The following FMNL2 variants were observed in gnomAD, a reference collection of about 807,000 sequenced individuals.
FMNL2 encodes formin like 2, also known as formin-like protein 2.
Under a neutral mutation model 130.2 loss-of-function variants are expected in FMNL2, and 51 were observed. The observed-to-expected ratio is 0.39, with a 90% CI of 0.31 to 0.49. The LOEUF (loss-of-function observed/expected upper bound fraction) is 0.49, where lower values mean the gene tolerates loss of function less well. Ranked by LOEUF, FMNL2 falls within the 20% of genes least tolerant of loss-of-function variation. The pLI is 0.85. For missense variants in FMNL2, 977 were observed against 1,316.2 expected, an observed-to-expected ratio of 0.74 and a Z score of 3.99; for synonymous variants, 465 against 467.1, an observed-to-expected ratio of 1.00 and a Z score of 0.06.
At chr2:152,637,898 C>T (rs536522948) in intron 23 of FMNL2, among the ~76,000 whole-genome samples, 37 of 152,336 alleles carry the variant, frequency 2.4e-4, no homozygotes, top group Non-Finnish European at 3.5e-4. Context: ...AAGCTCTTGG[C>T]AGCCCCCTTG....
chr2:152,606,950 T>G (rs1355385308), intron 9 of FMNL2, among the ~76,000 whole-genome samples: 2 of 151,790 alleles, frequency 1.3e-5, no homozygotes, highest in Non-Finnish European at 2.9e-5. Context: ...ACTCATATCT[T>G]TTTGCATGTC....
chr2:152,605,343 A>G (rs1419980279), intron 9 of FMNL2, among the ~76,000 whole-genome samples: 1 of 151,732 alleles, frequency 6.6e-6, no homozygotes, highest in East Asian at 1.9e-4. Context: ...TATTTTTGAG[A>G]CAGGGTCTTG....
chr2:152,489,206 G>A (rs1316960424), intron 1 of FMNL2, among the ~76,000 whole-genome samples: 1 of 150,924 alleles, frequency 6.6e-6, no homozygotes, highest in Non-Finnish European at 1.5e-5. Context: ...ATTGAGGTTA[G>A]CAGAAAGGGT....
At position 152,617,103 on chromosome 2, in the gene FMNL2, C is replaced by T; in HGVS notation, c.1225C>T (p.Leu409=). Residue 409 remains leucine (L), a synonymous_variant, in exon 13 of 26, where the codon CTG becomes TTG. Transcript: ENST00000288670. ...CAAAATTTTACAGTTATCTGAAAAACTGCAAGACACAGAGAATGAAGCCAT... is the reference window on the plus strand; with the variant it reads ...CAAAATTTTACAGTTATCTGAAAAATTGCAAGACACAGAGAATGAAGCCAT... ...EENISHLSEK[L]QDTENEAMSK... 6.2e-7 allele frequency: 1 copy of T among 1,613,794 alleles called. No homozygotes were observed. Among genetic ancestry groups the T allele is most frequent in the Non-Finnish European group, 8.5e-7 (1 of 1,179,830 alleles).
At chr2:152,453,284 G>C (rs953334094) in intron 1 of FMNL2, among the ~76,000 whole-genome samples, 6 of 152,244 alleles carry the variant, frequency 3.9e-5, no homozygotes, top group Admixed American at 3.9e-4. Flanking sequence ...TGGATTCTGG[G>C]CCCTGACTGA....
intron 1 of FMNL2, among the ~76,000 whole-genome samples, chr2:152,405,981 CTTCTGAT>C (rs1482242961): frequency 6.6e-6 from 1 of 152,132 alleles, no homozygotes; most frequent in East Asian, 1.9e-4. Flanking sequence ...AGTAAGAATT[CTTCTGAT>C]TTTCAGGACA....
At chr2:152,508,996 G>A (rs1028426231) in intron 1 of FMNL2, among the ~76,000 whole-genome samples, 2 of 152,180 alleles carry the variant, frequency 1.3e-5, no homozygotes, top group Admixed American at 1.3e-4. Context: ...CGCCCACCCT[G>A]GAAAATGCTT....
intron 1 of FMNL2, among the ~76,000 whole-genome samples, chr2:152,420,105 TAAAGC>T (rs1244341515): frequency 1.3e-5 from 2 of 152,138 alleles, no homozygotes; most frequent in African/African-American, 4.8e-5. Context: ...AAGCAGTAAT[TAAAGC>T]AAAAAGCCTT....
intron 1 of FMNL2, among the ~76,000 whole-genome samples, chr2:152,434,932 C>T (rs1687669624): frequency 6.6e-6 from 1 of 151,908 alleles, no homozygotes; most frequent in South Asian, 2.1e-4. Flanking sequence ...TTTTTCACAT[C>T]TAGAGTCCAC....
intron 1 of FMNL2, among the ~76,000 whole-genome samples, chr2:152,479,452 G>T (rs1317446440): frequency 2.6e-5 from 4 of 152,140 alleles, no homozygotes; most frequent in African/African-American, 9.7e-5. Context: ...GCCAAGTGAA[G>T]CAGTTTTATT....
intron 1 of FMNL2, among the ~76,000 whole-genome samples, chr2:152,451,996 A>G (rs1688674163): frequency 6.6e-6 from 1 of 152,144 alleles, no homozygotes; most frequent in South Asian, 2.1e-4. Flanking sequence ...CCTTGATCTG[A>G]AGTCTGGGAG....
intron 1 of FMNL2, among the ~76,000 whole-genome samples, chr2:152,499,533 A>G (rs767562092): frequency 1.5e-4 from 23 of 152,244 alleles, no homozygotes; most frequent in Admixed American, 7.2e-4. Context: ...AGAAATGACT[A>G]GACAGAAGTG....
chr2:152,545,719 C>T (rs983796416), intron 3 of FMNL2, among the ~76,000 whole-genome samples: 1 of 152,184 alleles, frequency 6.6e-6, no homozygotes, highest in African/African-American at 2.4e-5. Context: ...ACAGACTGCT[C>T]ATGGATCCTC....
At chr2:152,573,794 C>T (rs1696314209) in intron 6 of FMNL2, among the ~76,000 whole-genome samples, 1 of 152,126 alleles carries the variant, frequency 6.6e-6, no homozygotes, top group Non-Finnish European at 1.5e-5. Flanking sequence ...GCATAGAATA[C>T]AACTAATAAA....
At chr2:152,609,849 A>G (rs1698585626) in intron 10 of FMNL2, among the ~76,000 whole-genome samples, 2 of 152,188 alleles carry the variant, frequency 1.3e-5, no homozygotes, top group Non-Finnish European at 2.9e-5. Context: ...GCATCCCTCA[A>G]TCATATTCCC....
chr2:152,563,996 C>A (rs1695673505), intron 6 of FMNL2, among the ~76,000 whole-genome samples: 1 of 152,186 alleles, frequency 6.6e-6, no homozygotes, highest in Admixed American at 6.5e-5. Flanking sequence ...AATCCGACTG[C>A]TCTCCATGTT....
intron 1 of FMNL2, among the ~76,000 whole-genome samples, chr2:152,473,087 G>A (rs12989840): frequency 0.043 from 6,573 of 152,238 alleles, 474 homozygotes; most frequent in African/African-American, 0.15. Flanking sequence ...CTGTTTATTA[G>A]GTTGTGACCT....
intron 16 of FMNL2, among the ~76,000 whole-genome samples, chr2:152,626,077 G>A (rs935482842): frequency 2.6e-5 from 4 of 151,416 alleles, no homozygotes; most frequent in Admixed American, 6.6e-5. Flanking sequence ...TCACTCTGTC[G>A]CCCAGGCTGG....
chr2:152,409,409 A>G (rs1176952136), intron 1 of FMNL2, among the ~76,000 whole-genome samples: 1 of 152,140 alleles, frequency 6.6e-6, no homozygotes, highest in Non-Finnish European at 1.5e-5. Flanking sequence ...GGGTAAAACT[A>G]GTTTGAGAGC....
Sources: allele counts gnomAD v4.1 joint callset (sites outside exome capture counted in the v4.1 genomes callset), GRCh38; gene constraint gnomAD v4.1.1; transcripts MANE v1.5; gene names NCBI Gene and HGNC (gene_info 2026-07-23, HGNC 2026-07-21).